Variants in MAGI1 observed in about 807,000 individuals in gnomAD.
MAGI1 encodes membrane associated guanylate kinase, WW and PDZ domain containing 1.
A neutral mutation model predicts 139.9 loss-of-function variants in MAGI1; 58 were observed. The ratio of observed to expected loss-of-function variants is 0.41; its 90% CI spans 0.34 to 0.52. The LOEUF (loss-of-function observed/expected upper bound fraction) is 0.52, where lower values mean the gene tolerates loss of function less well. MAGI1 is among the 20% of genes least tolerant of loss of function. The pLI, the probability that MAGI1 is intolerant of heterozygous loss-of-function variation, is 0.12. For synonymous variants in MAGI1, 812 were observed against 737.9 expected, an observed-to-expected ratio of 1.10 and a Z score of -1.63; for missense variants, 1,874 against 1,901.6, an observed-to-expected ratio of 0.99 and a Z score of 0.27.
At position 65,432,563 on chromosome 3, in the gene MAGI1, C is replaced by A. The variant is rs1042718253; in HGVS notation, c.1364-1682G>T. Among the ~76,000 whole-genome samples, 5 of 152,214 alleles carry A rather than the reference C, an allele frequency of 3.3e-5. No homozygotes were observed. The East Asian group carries it at 9.6e-4, about 29-fold the overall frequency. ...CGCTAACCTGCTCTCTAGCGCAGTC[C>A]CAAAGCTTATTGGAAGGTTGACAAA... is the stretch of plus-strand genomic sequence containing the variant. On this transcript the variant is annotated intron_variant, in intron 10 of 22. Coordinates refer to ENST00000402939, the MANE Select transcript of MAGI1 (RefSeq NM_001033057.2).
At chr3:65,439,240 G>C (rs1948067611) in intron 9 of MAGI1, among the ~76,000 whole-genome samples, 1 of 152,120 alleles carries the variant, frequency 6.6e-6, no homozygotes, top group Admixed American at 6.6e-5. Context: ...AATAAAAAGT[G>C]AGAAAACAGG....
chr3:65,635,958 T>C (rs1008822520), intron 1 of MAGI1, among the ~76,000 whole-genome samples: 3 of 152,214 alleles, frequency 2.0e-5, no homozygotes, highest in African/African-American at 7.2e-5. Flanking sequence ...CAGAAACCAC[T>C]GTGATACACA....
intron 1 of MAGI1, among the ~76,000 whole-genome samples, chr3:65,876,010 G>A (rs892911603): frequency 6.6e-6 from 1 of 151,976 alleles, no homozygotes; most frequent in African/African-American, 2.4e-5. Context: ...GGGACTGATG[G>A]ATTCTTTAAT....
At chr3:65,886,014 T>C (rs1253715947) in intron 1 of MAGI1, among the ~76,000 whole-genome samples, 1 of 152,188 alleles carries the variant, frequency 6.6e-6, no homozygotes, top group African/African-American at 2.4e-5. Context: ...TACAGTTTTA[T>C]TTATCTATAT....
chr3:65,935,752 C>G (rs2063021160), intron 1 of MAGI1, among the ~76,000 whole-genome samples: 1 of 152,212 alleles, frequency 6.6e-6, no homozygotes, highest in Non-Finnish European at 1.5e-5. Context: ...AGGGGCCTTG[C>G]CACTTCCACC....
chr3:65,787,586 G>T (rs1256431716), intron 1 of MAGI1, among the ~76,000 whole-genome samples: 1 of 149,910 alleles, frequency 6.7e-6, no homozygotes. Context: ...AAATATAACA[G>T]CAAGCAGGGC....
At chr3:65,657,753 G>C (rs1288967136) in intron 1 of MAGI1, among the ~76,000 whole-genome samples, 1 of 152,054 alleles carries the variant, frequency 6.6e-6, no homozygotes, top group East Asian at 1.9e-4. Flanking sequence ...CCTAAGTTTG[G>C]AGCCAAGTCC....
Position 65,583,972 on chromosome 3 carries a change from A to G in MAGI1, c.430+38000T>C, listed in dbSNP as rs1006865976. 5.9e-5 allele frequency among the ~76,000 whole-genome samples: 9 copies of G among 152,040 alleles called. No individual in the cohort carries two copies. The East Asian group carries it at 1.6e-3, about 26-fold the overall frequency. ...TCAATCTGGAGAACTTTCCACAGTG[A>G]CAGTGGTGTGAAGTTCATAGCAATA... On this transcript the variant is annotated intron_variant, in intron 2 of 22. Transcript: ENST00000402939.
chr3:65,408,836 C>G (rs1945554782), intron 12 of MAGI1, among the ~76,000 whole-genome samples: 1 of 152,176 alleles, frequency 6.6e-6, no homozygotes, highest in Non-Finnish European at 1.5e-5. Context: ...CTCATGTAAC[C>G]AAACTGTGCT....
At chr3:65,375,649 G>A (rs969437228) in intron 18 of MAGI1, 96 bp downstream of exon 18, 46 of 1,060,240 alleles carry the variant, frequency 4.3e-5, no homozygotes, top group Middle Eastern at 3.1e-4. Flanking sequence ...TCAGTTACAC[G>A]AACACTAATC....
chr3:66,022,620 T>C (rs562537294), intron 1 of MAGI1, among the ~76,000 whole-genome samples: 1 of 152,336 alleles, frequency 6.6e-6, no homozygotes, highest in East Asian at 1.9e-4. Flanking sequence ...TTTTTTTCCA[T>C]CTTTGCCTAA....
chr3:65,632,219 C>G (rs2084357665), intron 1 of MAGI1, among the ~76,000 whole-genome samples: 1 of 152,008 alleles, frequency 6.6e-6, no homozygotes, highest in African/African-American at 2.4e-5. Context: ...CAGTTTCTAC[C>G]AAATCTGGAA....
chr3:65,448,213 A>G (rs547610303), intron 6 of MAGI1, 156 bp from the exon 7 acceptor site: 15 of 702,244 alleles, frequency 2.1e-5, no homozygotes, highest in Admixed American at 1.1e-4. Context: ...TGGCTTGGAT[A>G]GTAAACTTGC....
intron 1 of MAGI1, among the ~76,000 whole-genome samples, chr3:65,877,013 G>A (rs146152227): frequency 0.017 from 2,654 of 152,166 alleles, 33 homozygotes; most frequent in African/African-American, 0.031. Flanking sequence ...AAAGTGCTGG[G>A]ATTACAGGCA....
chr3:65,854,665 C>T (rs1036630709), intron 1 of MAGI1, among the ~76,000 whole-genome samples: 7 of 152,226 alleles, frequency 4.6e-5, no homozygotes, highest in South Asian at 2.1e-4. Context: ...AAATGTCCCA[C>T]GAGAGGGTTC....
chr3:65,359,862 AAATGAAATATCACATCC>A (rs1235024951), intron 22 of MAGI1: 132 of 985,452 alleles, frequency 1.3e-4, no homozygotes, highest in Non-Finnish European at 1.4e-4. Flanking sequence ...GATGACTCTC[AAATGAAATATCACATCC>A]AACAGAAGCA....
chr3:65,798,811 C>G (rs893662236), intron 1 of MAGI1, among the ~76,000 whole-genome samples: 2 of 152,158 alleles, frequency 1.3e-5, no homozygotes, highest in African/African-American at 4.8e-5. Context: ...TTAAATCATG[C>G]ACCGTCCTGA....
intron 3 of MAGI1, among the ~76,000 whole-genome samples, chr3:65,483,135 C>T (rs1951393350): frequency 6.6e-6 from 1 of 152,208 alleles, no homozygotes; most frequent in African/African-American, 2.4e-5. Flanking sequence ...ACAGATTAGC[C>T]TTTGAGTGAA....
At chr3:65,447,879 T>C (rs1182313274) in intron 7 of MAGI1, 143 bp downstream of exon 7, 6 of 978,778 alleles carry the variant, frequency 6.1e-6, no homozygotes, top group Non-Finnish European at 1.6e-6. Context: ...AAGACTGACC[T>C]TTCCTGGATA....
Sources: allele counts gnomAD v4.1 joint callset (sites outside exome capture counted in the v4.1 genomes callset), GRCh38; gene constraint gnomAD v4.1.1; transcripts MANE v1.5; gene names NCBI Gene and HGNC (gene_info 2026-07-23, HGNC 2026-07-21).